PARD3: variants seen among roughly 807,000 people sequenced by gnomAD.
PARD3 encodes par-3 family cell polarity regulator, also known as partitioning defective 3 homolog.
Under a neutral mutation model 155.4 loss-of-function variants are expected in PARD3, and 75 were observed. The observed-to-expected ratio is 0.48, with a 90% confidence interval of 0.40 to 0.58. The LOEUF (loss-of-function observed/expected upper bound fraction) is 0.58, where lower values mean the gene tolerates loss of function less well. PARD3 is among the 20% of genes least tolerant of loss of function. The pLI is 0.00. For missense variants in PARD3, 1,642 were observed against 1,721.7 expected, an observed-to-expected ratio of 0.95 and a Z score of 0.82; for synonymous variants, 576 against 610.5, an observed-to-expected ratio of 0.94 and a Z score of 0.83.
At position 34,328,770 on chromosome 10, in the gene PARD3, TG is replaced by T; in HGVS notation, c.2833+2346del. ...AATGTAGAGGAGGATGCAAGTCACC[TG>T]AATTCCACTTCTGTGTTCATTCCAC... is the stretch of plus-strand genomic sequence containing the variant. On this transcript the variant is annotated intron_variant, in intron 19 of 24. Coordinates refer to ENST00000374788, the MANE Select transcript of PARD3 (RefSeq NM_001184785.2). Among the ~76,000 whole-genome samples, 3 of 152,366 alleles carry T rather than the reference TG, an allele frequency of 2.0e-5. No homozygotes were observed. In the Middle Eastern group the frequency reaches 0.01, roughly 518 times the overall value.
intron 5 of PARD3, among the ~76,000 whole-genome samples, chr10:34,405,075 C>CATAA (rs1844306148): frequency 2.9e-5 from 1 of 34,108 alleles, no homozygotes; most frequent in Admixed American, 3.1e-4. Flanking sequence ...CCATCACAAA[C>CATAA]ACAAACACAC....
At chr10:34,280,429 CA>C (rs1488034964) in intron 21 of PARD3, among the ~76,000 whole-genome samples, 1 of 152,080 alleles carries the variant, frequency 6.6e-6, no homozygotes, top group African/African-American at 2.4e-5. Context: ...GGGTTTCTCC[CA>C]AATTTTTCTG....
chr10:34,520,335 C>T lies in PARD3; in HGVS notation c.223-3176G>A, dbSNP rs544619999. ...AACCAGTACCAGGGTTCATACCATACCACGGTAATTGGTATGAAGAAATCA... is the reference window on the plus strand; with the variant it reads ...AACCAGTACCAGGGTTCATACCATATCACGGTAATTGGTATGAAGAAATCA... On this transcript the variant is annotated intron_variant, in intron 2 of 24. Coordinates refer to ENST00000374788, the MANE Select transcript of PARD3 (RefSeq NM_001184785.2). Among the ~76,000 whole-genome samples, 46 of 152,152 alleles carry T rather than the reference C, an allele frequency of 3.0e-4. 1 individual carries two copies. Among genetic ancestry groups the T allele is most frequent in the South Asian group, 1.5e-3 (7 of 4,816 alleles).
In PARD3 at chr10:34,309,548, C is replaced by CAAAAA. The variant is rs1173904388; in HGVS notation, c.3065+7554_3065+7558dup. ...CTCCTGCTGAGCAAGACCCTGTCTC[C>CAAAAA]AAAAAAAAAAAAAAAAAAAAAAAAA... On this transcript the variant is annotated intron_variant, in intron 20 of 24. Coordinates refer to ENST00000374788, the MANE Select transcript of PARD3 (RefSeq NM_001184785.2). 1.6e-3 allele frequency among the ~76,000 whole-genome samples: 102 copies of CAAAAA among 64,026 alleles called. 4 individuals are homozygous for CAAAAA. Among genetic ancestry groups the CAAAAA allele is most frequent in the East Asian group, 4.6e-3 (6 of 1,298 alleles). 42.0% of individuals were successfully genotyped at this position (64,026 alleles called of 152,430 possible). A position where few individuals can be genotyped will look rare whatever the true frequency, so the allele number is the denominator to read the frequency against.
chr10:34,614,013 A>G (rs938080939), intron 2 of PARD3, among the ~76,000 whole-genome samples: 4 of 152,218 alleles, frequency 2.6e-5, no homozygotes, highest in Non-Finnish European at 5.9e-5. Context: ...GTTTATAAAC[A>G]GGGAAACATG....
chr10:34,771,940 A>G (rs1287832028), intron 1 of PARD3, among the ~76,000 whole-genome samples: 1 of 152,178 alleles, frequency 6.6e-6, no homozygotes, highest in Non-Finnish European at 1.5e-5. Context: ...ACTTCCATCA[A>G]CCCCTGGCAG....
intron 22 of PARD3, among the ~76,000 whole-genome samples, chr10:34,250,521 G>A (rs1456369034): frequency 6.6e-6 from 1 of 151,980 alleles, no homozygotes; most frequent in East Asian, 1.9e-4. Flanking sequence ...AGCTACCCTT[G>A]GGTATACAGA....
intron 22 of PARD3, among the ~76,000 whole-genome samples, chr10:34,197,930 A>T (rs1429634487): frequency 6.6e-6 from 1 of 152,184 alleles, no homozygotes; most frequent in Non-Finnish European, 1.5e-5. Context: ...GGGTTTCACC[A>T]TGTTGGCCAG....
At chr10:34,515,994 T>C (rs771478704) in intron 3 of PARD3, among the ~76,000 whole-genome samples, 11 of 151,894 alleles carry the variant, frequency 7.2e-5, no homozygotes, top group Non-Finnish European at 1.5e-4. Context: ...TCTCACTCTG[T>C]TGCCCAGGCT....
At chr10:34,188,376 G>A (rs143182630) in intron 22 of PARD3, among the ~76,000 whole-genome samples, 1,978 of 152,164 alleles carry the variant, frequency 0.013, 46 homozygotes, top group African/African-American at 0.043. Context: ...TGTCTCCCAC[G>A]CTTCCACTGA....
chr10:34,643,430 A>C (rs1039527410), intron 2 of PARD3, among the ~76,000 whole-genome samples: 5 of 152,246 alleles, frequency 3.3e-5, no homozygotes, highest in Non-Finnish European at 7.3e-5. Flanking sequence ...GTCTACATGC[A>C]TTACAATAGT....
chr10:34,344,176 T>G, intron 15 of PARD3: 1 of 984,818 alleles, frequency 1.0e-6, no homozygotes, highest in Non-Finnish European at 1.2e-6. Context: ...GTCCCAGGCT[T>G]ACAAATGACA....
At chr10:34,351,744 T>C (rs1246653009) in intron 14 of PARD3, among the ~76,000 whole-genome samples, 1 of 152,248 alleles carries the variant, frequency 6.6e-6, no homozygotes, top group African/African-American at 2.4e-5. Flanking sequence ...CCAACGCAAC[T>C]GGGATATAAA....
chr10:34,285,222 T>C (rs1956329268), intron 20 of PARD3, among the ~76,000 whole-genome samples: 1 of 152,224 alleles, frequency 6.6e-6, no homozygotes, highest in African/African-American at 2.4e-5. Flanking sequence ...TGAGTATTTC[T>C]TTCTGAAGAA....
chr10:34,483,856 C>T (rs2049505758), intron 3 of PARD3, among the ~76,000 whole-genome samples: 1 of 152,214 alleles, frequency 6.6e-6, no homozygotes, highest in Non-Finnish European at 1.5e-5. Context: ...CTGTTGTTCA[C>T]CATTCAATAC....
At chr10:34,533,308 G>A (rs2082985402) in intron 2 of PARD3, among the ~76,000 whole-genome samples, 1 of 151,834 alleles carries the variant, frequency 6.6e-6, no homozygotes, top group African/African-American at 2.4e-5. Context: ...ATGCGCTGAA[G>A]AACTACCTAC....
chr10:34,288,601 C>T (rs1956517879), intron 20 of PARD3, among the ~76,000 whole-genome samples: 1 of 152,182 alleles, frequency 6.6e-6, no homozygotes, highest in Non-Finnish European at 1.5e-5. Flanking sequence ...CTCGCAAAGA[C>T]AGTTTCACAG....
At chr10:34,120,963 C>G (rs555833592) in intron 23 of PARD3, among the ~76,000 whole-genome samples, 1 of 151,574 alleles carries the variant, frequency 6.6e-6, no homozygotes, top group South Asian at 2.1e-4. Context: ...GAAGCTGAGA[C>G]AGGAGGACCG....
intron 22 of PARD3, among the ~76,000 whole-genome samples, chr10:34,248,568 G>A (rs1564517415): frequency 8.8e-6 from 1 of 113,520 alleles, no homozygotes; most frequent in Non-Finnish European, 1.7e-5. Flanking sequence ...ACAGAGGTCA[G>A]ATAACTTGCC....
Sources: gnomAD v4.1 joint callset for allele counts (sites outside exome capture counted in the v4.1 genomes callset) on GRCh38, gnomAD v4.1.1 for gene constraint, MANE v1.5 for transcripts, NCBI Gene and HGNC (gene_info 2026-07-23, HGNC 2026-07-21) for gene names.